Variants in KHDRBS2 observed in about 807,000 individuals in gnomAD.
The protein encoded by KHDRBS2 is KH RNA binding domain containing, signal transduction associated 2, also known as KH domain-containing, RNA-binding, signal transduction-associated protein 2.
A neutral mutation model predicts 44.3 loss-of-function variants in KHDRBS2; 26 were observed. The ratio of observed to expected loss-of-function variants is 0.59; its 90% confidence interval spans 0.43 to 0.81. The LOEUF is 0.81. Among genes scored for constraint, KHDRBS2 ranks in the 40% least tolerant of loss-of-function variants. KHDRBS2 has a pLI of 0.00. For synonymous variants in KHDRBS2, 194 were observed against 151.1 expected, an observed-to-expected ratio of 1.28 and a Z score of -2.08; for missense variants, 476 against 433.1, an observed-to-expected ratio of 1.10 and a Z score of -0.88.
chr6:61,734,719 T>C (rs1275574435), intron 6 of KHDRBS2, among the ~76,000 whole-genome samples: 1 of 152,190 alleles, frequency 6.6e-6, no homozygotes, highest in Non-Finnish European at 1.5e-5. Context: ...TCTTCCAACG[T>C]TAATAATTGT....
At chr6:62,283,134 T>A (rs1842023720) in intron 1 of KHDRBS2, among the ~76,000 whole-genome samples, 1 of 152,152 alleles carries the variant, frequency 6.6e-6, no homozygotes, top group South Asian at 2.1e-4. Flanking sequence ...AACATTATAA[T>A]CGCAGGATGA....
intron 1 of KHDRBS2, among the ~76,000 whole-genome samples, chr6:62,178,009 G>A (rs1440844051): frequency 2.6e-5 from 4 of 151,316 alleles, no homozygotes; most frequent in Non-Finnish European, 5.9e-5. Context: ...CTAGGTACCA[G>A]AAATACAACA....
intron 3 of KHDRBS2, among the ~76,000 whole-genome samples, chr6:62,017,549 TA>T (rs780960563): frequency 7.2e-5 from 11 of 152,062 alleles, no homozygotes; most frequent in Non-Finnish European, 1.6e-4. Flanking sequence ...GAAAAACTCT[TA>T]AAAAATGTTG....
intron 8 of KHDRBS2, among the ~76,000 whole-genome samples, chr6:61,693,131 A>C (rs147211279): frequency 4.9e-4 from 74 of 152,266 alleles, no homozygotes; most frequent in African/African-American, 1.7e-3. Context: ...TTATAAATAG[A>C]TAATAGTTAA....
intron 6 of KHDRBS2, among the ~76,000 whole-genome samples, chr6:61,764,206 C>A (rs909744495): frequency 3.9e-5 from 6 of 152,076 alleles, no homozygotes; most frequent in African/African-American, 1.4e-4. Context: ...TGTATATGTA[C>A]CATGTTTTCT....
At chr6:61,546,723 A>G in the KHDRBS2 span, among the ~76,000 whole-genome samples, 2 of 152,114 alleles carry the variant, frequency 1.3e-5, no homozygotes, top group African/African-American at 4.8e-5. Flanking sequence ...AAATATTCTC[A>G]AAGCAAAAAT....
At position 61,906,494 on chromosome 6, in the gene KHDRBS2, A is replaced by C. The variant is rs1459762720; in HGVS notation, c.484-5123T>G. 2.6e-5 allele frequency among the ~76,000 whole-genome samples: 4 copies of C among 152,066 alleles called. No homozygotes were observed. The East Asian group carries it at 7.8e-4, about 30-fold the overall frequency. ...TGCTACCAAATACTAGATCTTACTC[A>C]TTCTATCTAACTATATTTTTGCACC... On this transcript the variant is annotated intron_variant, in intron 4 of 8. Coordinates refer to ENST00000281156, the MANE Select transcript of KHDRBS2 (RefSeq NM_152688.4).
At chr6:61,577,648 C>A in the KHDRBS2 span, among the ~76,000 whole-genome samples, 1 of 151,958 alleles carries the variant, frequency 6.6e-6, no homozygotes, top group South Asian at 2.1e-4. Context: ...TGTGGATTAA[C>A]AATAGTAAAA....
At chr6:61,942,823 G>A (rs1204480910) in intron 4 of KHDRBS2, among the ~76,000 whole-genome samples, 1 of 151,758 alleles carries the variant, frequency 6.6e-6, no homozygotes, top group Non-Finnish European at 1.5e-5. Flanking sequence ...AAAACAGAAA[G>A]ATAAAAGCAT....
At chr6:62,185,210 T>C (rs1823179948) in intron 1 of KHDRBS2, among the ~76,000 whole-genome samples, 1 of 151,968 alleles carries the variant, frequency 6.6e-6, no homozygotes, top group Non-Finnish European at 1.5e-5. Context: ...GCAGGAAGTT[T>C]ATTTTACCCA....
At chr6:62,154,200 C>A (rs1223412776) in intron 2 of KHDRBS2, among the ~76,000 whole-genome samples, 1 of 152,126 alleles carries the variant, frequency 6.6e-6, no homozygotes, top group Non-Finnish European at 1.5e-5. Flanking sequence ...GAAAGGTGGG[C>A]ATAGCAGTGA....
intron 4 of KHDRBS2, among the ~76,000 whole-genome samples, chr6:61,974,855 C>T (rs1364029694): frequency 2.0e-5 from 3 of 151,730 alleles, no homozygotes; most frequent in Non-Finnish European, 4.4e-5. Flanking sequence ...CGCTTGAACC[C>T]AGGAGGTGGA....
At chr6:61,921,786 C>A (rs1808110823) in intron 4 of KHDRBS2, among the ~76,000 whole-genome samples, 1 of 151,946 alleles carries the variant, frequency 6.6e-6, no homozygotes. Context: ...CTATGATTAT[C>A]ATTCTATTAC....
At chr6:62,231,990 A>G (rs1585320999) in intron 1 of KHDRBS2, among the ~76,000 whole-genome samples, 1 of 152,162 alleles carries the variant, frequency 6.6e-6, no homozygotes, top group East Asian at 1.9e-4. Flanking sequence ...TCCTGGTTTA[A>G]TATGTTTTGA....
the KHDRBS2 span, among the ~76,000 whole-genome samples, chr6:61,596,873 A>G: frequency 2.0e-5 from 3 of 151,996 alleles, no homozygotes; most frequent in Admixed American, 2.0e-4. Flanking sequence ...GATGGTCTCA[A>G]TCTCTTGACC....
chr6:62,140,804 G>A (rs1042107562), intron 2 of KHDRBS2, among the ~76,000 whole-genome samples: 7 of 152,164 alleles, frequency 4.6e-5, no homozygotes, highest in African/African-American at 1.7e-4. Flanking sequence ...GAAGTATAAA[G>A]AGAAATTGGT....
At chr6:61,999,589 G>C (rs1172206381) in intron 3 of KHDRBS2, among the ~76,000 whole-genome samples, 1 of 151,982 alleles carries the variant, frequency 6.6e-6, no homozygotes, top group Non-Finnish European at 1.5e-5. Context: ...TTCAAAAATA[G>C]TTTCTACAGT....
chr6:61,736,212 T>TCACACACACA (rs376298733), intron 6 of KHDRBS2, among the ~76,000 whole-genome samples: 29,296 of 135,310 alleles, frequency 0.22, 3,759 homozygotes, highest in East Asian at 0.33. Context: ...TTACTTTACT[T>TCACACACACA]CACACACACA....
At chr6:61,957,639 A>C (rs1767697981) in intron 4 of KHDRBS2, among the ~76,000 whole-genome samples, 1 of 152,128 alleles carries the variant, frequency 6.6e-6, no homozygotes, top group Admixed American at 6.5e-5. Flanking sequence ...TCTGCTCTCA[A>C]ACCCTGTCTC....
Sources: gnomAD v4.1 joint callset for allele counts (sites outside exome capture counted in the v4.1 genomes callset) on GRCh38, gnomAD v4.1.1 for gene constraint, MANE v1.5 for transcripts, NCBI Gene and HGNC (gene_info 2026-07-23, HGNC 2026-07-21) for gene names.